VWDE: variants seen among roughly 807,000 people sequenced by gnomAD.
The protein encoded by VWDE is von Willebrand factor D and EGF domains.
VWDE carries 207 observed loss-of-function variants against 178.4 expected under a neutral mutation model. The ratio of observed to expected loss-of-function variants is 1.16; its 90% CI spans 1.04 to 1.30. VWDE has a LOEUF of 1.30. VWDE is among the 50% of genes most tolerant of loss of function. The pLI, the probability that VWDE is intolerant of heterozygous loss-of-function variation, is 0.00. For missense variants in VWDE, 2,287 were observed against 1,901.3 expected (o/e 1.20, Z -3.77); for synonymous variants, 738 against 651.4 (o/e 1.13, Z -2.02).
At chr7:12,369,451 AC>A (rs1783031929) in intron 12 of VWDE, 93 bp downstream of exon 12, 1 of 1,386,122 alleles carries the variant, frequency 7.2e-7, no homozygotes, top group East Asian at 2.5e-5. Flanking sequence ...ATCTGAATAA[AC>A]ACTGTTAGGA....
chr7:12,375,116 G>T lies in VWDE; in HGVS notation c.1136C>A (p.Ala379Asp). The change falls in exon 8 of 29, where the codon GCT becomes GAT. Residue 379 changes from alanine (A) to aspartate (D), a missense_variant. Ala to Asp is a moderately radical substitution (Grantham distance 126). Transcript: ENST00000275358. ...TCSHTFVYYT[A>D]VTDFSRDGDR... ...TCCATCTCGAGAAAAATCTGTGACA[G>T]CAGTGTAGTACACAAAAGTGTGGCT... The T allele has an allele frequency of 6.4e-7, 1 of 1,551,218 alleles. No individual in the cohort carries two copies. Among genetic ancestry groups the T allele is most frequent in the Admixed American group, 2.0e-5 (1 of 50,976 alleles).
At chr7:12,375,503 G>A (rs1271811050) in intron 7 of VWDE, among the ~76,000 whole-genome samples, 3 of 151,454 alleles carry the variant, frequency 2.0e-5, no homozygotes, top group Non-Finnish European at 4.4e-5. Context: ...TGCAACTGAA[G>A]GAAATTCAAA....
Position 12,373,194 on chromosome 7 carries a change from C to A in VWDE, c.1370G>T (p.Arg457Leu), listed in dbSNP as rs1354388896. ...GTFVLYKSMS[R>L]DFEVHVRQWD... ...CTGACGTACATGGACTTCAAAATCA[C>A]GTGACATACTCTTATAAAGCACAAA... Residue 457 changes from arginine (R) to leucine (L), a missense_variant, in exon 10 of 29, where the codon CGT (arginine) becomes CTT (leucine). Arg to Leu is a moderately radical substitution (Grantham distance 102). Coordinates refer to ENST00000275358, the MANE Select transcript of VWDE (RefSeq NM_001135924.3). 6.4e-7 allele frequency: 1 copy of A among 1,551,310 alleles called. No homozygotes were observed. The highest frequency in any genetic ancestry group is 2.4e-5 in the East Asian group (1 of 40,902).
At chr7:12,344,809 C>T (rs904749431) in intron 19 of VWDE, among the ~76,000 whole-genome samples, 6 of 152,078 alleles carry the variant, frequency 3.9e-5, no homozygotes, top group African/African-American at 1.4e-4. Flanking sequence ...TGATATATAA[C>T]TTGCTGTAAT....
rs899150031 is a variant in VWDE, at chr7:12,380,030, G to A, written c.789+456C>T. ...GGAGAATCGCTTGAACCTGAGAGGC[G>A]GAGGTTGCAGTGAGCAACCTCCGAG... On this transcript the variant is annotated intron_variant, in intron 5 of 28. Coordinates refer to ENST00000275358, the MANE Select transcript of VWDE (RefSeq NM_001135924.3). Among the ~76,000 whole-genome samples, 277 of 151,646 alleles carry A rather than the reference G, an allele frequency of 1.8e-3. 1 individual carries two copies. Among genetic ancestry groups the A allele is most frequent in the African/African-American group, 6.3e-3 (260 of 41,388 alleles).
chr7:12,388,495 CAAT>C (rs1449209274), intron 3 of VWDE, among the ~76,000 whole-genome samples: 1 of 152,078 alleles, frequency 6.6e-6, no homozygotes, highest in Non-Finnish European at 1.5e-5. Context: ...GTAGTAGCAA[CAAT>C]AATTTGTAAT....
intron 23 of VWDE, 96 bp from the exon 24 acceptor site, chr7:12,340,513 T>G: frequency 1.2e-6 from 1 of 818,590 alleles, no homozygotes; most frequent in African/African-American, 1.7e-5. Context: ...ATGAAATATT[T>G]TATTTTTACT....
intron 1 of VWDE, 40 bp downstream of exon 1, chr7:12,403,619 G>A: frequency 6.6e-7 from 1 of 1,524,084 alleles, no homozygotes; most frequent in South Asian, 1.2e-5. Flanking sequence ...CCCACGCGGC[G>A]CCACTGCGCG....
intron 12 of VWDE, among the ~76,000 whole-genome samples, chr7:12,368,033 T>C (rs1311539594): frequency 3.3e-5 from 5 of 151,840 alleles, no homozygotes; most frequent in Non-Finnish European, 2.9e-5. Context: ...AGCAGTAGGG[T>C]AGAAAATCAC....
chr7:12,358,164 G>A (rs898710291), intron 16 of VWDE, among the ~76,000 whole-genome samples: 4 of 152,074 alleles, frequency 2.6e-5, no homozygotes, highest in Admixed American at 2.6e-4. Context: ...ATCACTTGAG[G>A]TCAGGAGTTC....
intron 12 of VWDE, among the ~76,000 whole-genome samples, chr7:12,368,123 A>C (rs1037192895): frequency 1.3e-5 from 2 of 151,570 alleles, no homozygotes; most frequent in African/African-American, 4.8e-5. Flanking sequence ...TCACAAATTC[A>C]ACAAATGTTT....
rs1783453210 is a variant in VWDE, at chr7:12,375,145, G to A, written c.1107C>T (p.Thr369=). The change falls in exon 8 of 29, where the codon ACC becomes ACT. Residue 369 remains threonine (T), a synonymous_variant. Transcript: ENST00000275358. Reference sequence around the variant, plus strand: ...TGTAGTACACAAAAGTGTGGCTACAGGTTCCATTAGCACAGGAAGATGTCT... The same window carrying A: ...TGTAGTACACAAAAGTGTGGCTACAAGTTCCATTAGCACAGGAAGATGTCT... ...LLQTSSCANG[T]CSHTFVYYTA... is the part of the protein sequence containing the mutation. 2.6e-6 allele frequency: 4 copies of A among 1,551,138 alleles called. No individual in the cohort carries two copies. The African/African-American group carries it at 5.5e-5, about 21-fold the overall frequency.
rs754434958 is a variant in VWDE at position 12,343,188 on chromosome 7, C to A, written c.4079-10G>T. 6 of 1,540,260 alleles carry A rather than the reference C, an allele frequency of 3.9e-6. No homozygotes were observed. The South Asian group carries it at 7.2e-5, about 18-fold the overall frequency. ...GGTGGGTTACAATGTTCTGCAGAAA[C>A]AGATTATGTTATTATGTCAGTTCTT... On this transcript the variant is annotated splice_polypyrimidine_tract_variant and intron_variant, in intron 21 of 28. Coordinates refer to ENST00000275358, the MANE Select transcript of VWDE (RefSeq NM_001135924.3).
intron 22 of VWDE, among the ~76,000 whole-genome samples, chr7:12,342,452 A>T (rs1781384598): frequency 1.3e-5 from 2 of 152,082 alleles, no homozygotes. Context: ...CATAGACATA[A>T]ATTTAAAAAG....
intron 1 of VWDE, among the ~76,000 whole-genome samples, chr7:12,398,838 A>C (rs897698804): frequency 1.3e-5 from 2 of 152,156 alleles, no homozygotes; most frequent in Admixed American, 6.5e-5. Context: ...GGCAAGCTAA[A>C]CATTGGGTAC....
intron 3 of VWDE, among the ~76,000 whole-genome samples, chr7:12,386,211 G>T (rs1784092400): frequency 6.6e-6 from 1 of 152,056 alleles, no homozygotes; most frequent in African/African-American, 2.4e-5. Flanking sequence ...TATGACAAGA[G>T]TGCCAAAAAA....
At chr7:12,341,998 A>G in intron 23 of VWDE, 61 bp downstream of exon 23, 1 of 1,351,372 alleles carries the variant, frequency 7.4e-7, no homozygotes, top group Non-Finnish European at 1.0e-6. Flanking sequence ...GCACGTCTTC[A>G]GGACATTGGC....
intron 3 of VWDE, 21 bp downstream of exon 3, chr7:12,389,106 G>A (rs1156366000): frequency 7.7e-6 from 11 of 1,437,056 alleles, no homozygotes; most frequent in Non-Finnish European, 9.6e-6. Flanking sequence ...ACAGTCATGT[G>A]AATTACTGGT....
At chr7:12,332,350 T>C (rs1037099224) in intron 28 of VWDE, among the ~76,000 whole-genome samples, 23 of 152,026 alleles carry the variant, frequency 1.5e-4, no homozygotes, top group African/African-American at 5.6e-4. Flanking sequence ...TTCCCCTTAG[T>C]GTGATTTTAA....
Sources: allele counts gnomAD v4.1 joint callset (sites outside exome capture counted in the v4.1 genomes callset), GRCh38; gene constraint gnomAD v4.1.1; transcripts MANE v1.5; gene names NCBI Gene and HGNC (gene_info 2026-07-23, HGNC 2026-07-21).